Variants in FAM120C observed in about 807,000 individuals in gnomAD.
The protein encoded by FAM120C is constitutive coactivator of PPAR-gamma-like protein 2.
FAM120C carries 14 observed loss-of-function variants against 71.2 expected under a neutral mutation model. The ratio of observed to expected loss-of-function variants is 0.20; its 90% CI spans 0.13 to 0.31. The LOEUF is 0.31. FAM120C is among the 10% of genes least tolerant of loss of function. FAM120C has a pLI of 1.00. For synonymous variants in FAM120C, 354 were observed against 353.2 expected (o/e 1.00, Z -0.03); for missense variants, 500 against 879.0 (o/e 0.57, Z 5.45).
At chrX:54,080,130 TA>T in intron 15 of FAM120C, 101 bp downstream of exon 15, 1 of 656,306 alleles carries the variant, frequency 1.5e-6, no homozygotes. Flanking sequence ...GAAGCTCCCC[TA>T]AGCAGCTCAG....
chrX:54,075,880 C>T (rs1218139043), intron 15 of FAM120C, among the ~76,000 whole-genome samples: 6 of 110,275 alleles, frequency 5.4e-5, no homozygotes, highest in African/African-American at 2.0e-4. Flanking sequence ...TTCGGGAGGC[C>T]GAGGCGGGCG....
intron 1 of FAM120C, chrX:54,174,155 G>A (rs1240431356): frequency 5.9e-6 from 3 of 511,768 alleles, no homozygotes; most frequent in Admixed American, 5.3e-5. Flanking sequence ...TGCTTCATCA[G>A]AGTGATCAAG....
intron 10 of FAM120C, among the ~76,000 whole-genome samples, chrX:54,103,755 CTT>C (rs11295052): frequency 1.6e-3 from 156 of 98,212 alleles, no homozygotes; most frequent in Middle Eastern, 5.1e-3. Context: ...CAAAACACCT[CTT>C]TTTTTTTTTT....
chrX:54,151,528 CA>C (rs1264175353), intron 3 of FAM120C, among the ~76,000 whole-genome samples, 155 bp from the exon 4 acceptor site: 3 of 111,611 alleles, frequency 2.7e-5, no homozygotes, highest in Non-Finnish European at 5.6e-5. Context: ...CCTTCATTCT[CA>C]GTACAGAACA....
intron 3 of FAM120C, among the ~76,000 whole-genome samples, chrX:54,153,812 C>T (rs1569533338): frequency 9.1e-6 from 1 of 110,185 alleles, no homozygotes; most frequent in Non-Finnish European, 1.9e-5. Flanking sequence ...ATGATCTGCC[C>T]GCCTTGGCCT....
intron 4 of FAM120C, among the ~76,000 whole-genome samples, chrX:54,150,818 G>A (rs984430815): frequency 5.4e-5 from 6 of 110,179 alleles, no homozygotes; most frequent in Non-Finnish European, 1.1e-4. Flanking sequence ...GCGCAATCTC[G>A]GCTCACTGCA....
chrX:54,143,029 T>G (rs1443968215), intron 4 of FAM120C, among the ~76,000 whole-genome samples: 1 of 111,872 alleles, frequency 8.9e-6, no homozygotes, highest in Non-Finnish European at 1.9e-5. Flanking sequence ...CTGAGGGTCC[T>G]GACTGTTAGA....
chrX:54,176,114 TGTTTTTTG>T (rs2067315964), intron 1 of FAM120C, among the ~76,000 whole-genome samples: 1 of 111,798 alleles, frequency 8.9e-6, no homozygotes, highest in Non-Finnish European at 1.9e-5. Flanking sequence ...CCTGTTTTTT[TGTTTTTTG>T]GTTTTTGGCT....
intron 5 of FAM120C, 63 bp from the exon 6 acceptor site, chrX:54,135,667 G>C (rs1172038101): frequency 1.1e-6 from 1 of 911,797 alleles, no homozygotes; most frequent in Non-Finnish European, 1.6e-6. Context: ...GTTATATTCT[G>C]CTCACCCCAT....
At chrX:54,074,673 C>T (rs2066726672) in intron 15 of FAM120C, among the ~76,000 whole-genome samples, 1 of 112,572 alleles carries the variant, frequency 8.9e-6, no homozygotes, top group African/African-American at 3.2e-5. Context: ...CGCCTCAGCT[C>T]CCAAAGTGCT....
chrX:54,125,772 G>A (rs1304697152), intron 9 of FAM120C, among the ~76,000 whole-genome samples: 1 of 112,605 alleles, frequency 8.9e-6, no homozygotes, highest in Non-Finnish European at 1.9e-5. Flanking sequence ...ATCTTGCTGG[G>A]ATTTGGATAG....
chrX:54,068,848 A>G lies in FAM120C; in HGVS notation c.*4185T>C, dbSNP rs2066698633. 2.8e-5 allele frequency: 3 copies of G among 107,715 alleles called. No individual in the cohort carries two copies. The Admixed American group carries it at 3.0e-4, about 11-fold the overall frequency. The allele number at this position is 107,715 out of a possible 1,213,427, so 8.9% of individuals were successfully genotyped here. On this transcript the variant is annotated 3_prime_UTR_variant, in exon 16 of 16. Coordinates refer to ENST00000375180, the MANE Select transcript of FAM120C (RefSeq NM_017848.6). ...ATAGAATAGAATAGAATAGAATAGA[A>G]GGTAGGAGGGGAAGTGCTTTCTGGG...
chrX:54,147,440 T>C (rs1252182236), intron 4 of FAM120C: 2 of 111,866 alleles, frequency 1.8e-5, no homozygotes, highest in Non-Finnish European at 3.8e-5. Flanking sequence ...ACAGCTCTAA[T>C]ACCTGCCACT....
chrX:54,139,995 T>C (rs1373662461), intron 4 of FAM120C, among the ~76,000 whole-genome samples: 1 of 110,981 alleles, frequency 9.0e-6, no homozygotes, highest in Non-Finnish European at 1.9e-5. Flanking sequence ...ATGTAACTAT[T>C]TGAAAGAAGG....
Position 54,073,083 on chromosome X carries a change from G to A in FAM120C, c.3241C>T (p.His1081Tyr), listed in dbSNP as rs2066717967. 1 of 1,207,889 alleles carries A rather than the reference G, an allele frequency of 8.3e-7. No individual in the cohort carries two copies. Among genetic ancestry groups the A allele is most frequent in the South Asian group, 1.8e-5 (1 of 56,420 alleles). The change falls in exon 16 of 16, where the codon CAC (histidine) becomes TAC (tyrosine). Residue 1081 changes from histidine (H) to tyrosine (Y), a missense_variant. By Grantham distance (83) the His-to-Tyr change is moderately conservative. Coordinates refer to ENST00000375180, the MANE Select transcript of FAM120C (RefSeq NM_017848.6). ...GTTTCTAGCTTTTGCTCTTGTAAGT[G>A]GTTCTTCTCCCTATTATTCATAGGG... ...YLPMNNREKN[H>Y]LQEQKLETVA...
intron 9 of FAM120C, among the ~76,000 whole-genome samples, chrX:54,128,404 G>A (rs1352125915): frequency 4.5e-5 from 5 of 111,537 alleles, no homozygotes; most frequent in African/African-American, 1.3e-4. Flanking sequence ...GTGATGCTGA[G>A]TATTTTTTCA....
At chrX:54,087,168 C>G (rs1441623578) in intron 12 of FAM120C, among the ~76,000 whole-genome samples, 1 of 110,186 alleles carries the variant, frequency 9.1e-6, no homozygotes, top group African/African-American at 3.3e-5. Flanking sequence ...CAAAAATTAG[C>G]TGGGCCTGGT....
intron 1 of FAM120C, among the ~76,000 whole-genome samples, chrX:54,165,731 C>A (rs2067256446): frequency 9.1e-6 from 1 of 109,644 alleles, no homozygotes; most frequent in South Asian, 3.9e-4. Flanking sequence ...GAGCCAAGAC[C>A]GCGCCACTGC....
chrX:54,103,807 A>C (rs1557124445), intron 10 of FAM120C, among the ~76,000 whole-genome samples: 1 of 104,453 alleles, frequency 9.6e-6, no homozygotes, highest in Admixed American at 1.0e-4. Flanking sequence ...GATATATCTT[A>C]TTATTATTTT....
Sources: gnomAD v4.1 joint callset for allele counts (sites outside exome capture counted in the v4.1 genomes callset) on GRCh38, gnomAD v4.1.1 for gene constraint, MANE v1.5 for transcripts, NCBI Gene and HGNC (gene_info 2026-07-23, HGNC 2026-07-21) for gene names.